The following ERICH6B variants were observed in gnomAD, a reference collection of about 807,000 sequenced individuals.
ERICH6B encodes the protein glutamate rich 6B, also known as glutamate-rich protein 6B.
A neutral mutation model predicts 80.0 loss-of-function variants in ERICH6B; 69 were observed. That is an observed-to-expected ratio of 0.86 (90% confidence interval 0.71 to 1.05). The LOEUF is 1.05. Among genes scored for constraint, ERICH6B ranks in the 50% least tolerant of loss-of-function variants. ERICH6B has a pLI of 0.00. For missense variants in ERICH6B, 754 were observed against 796.1 expected, an observed-to-expected ratio of 0.95 and a Z score of 0.64; for synonymous variants, 283 against 291.9, an observed-to-expected ratio of 0.97 and a Z score of 0.31.
Position 45,546,658 on chromosome 13 carries a change from C to T in ERICH6B, c.1647-1673G>A, listed in dbSNP as rs115441431. Among the ~76,000 whole-genome samples, 815 of 152,294 alleles carry T rather than the reference C, an allele frequency of 5.4e-3. 5 individuals are homozygous for T. Among genetic ancestry groups the T allele is most frequent in the African/African-American group, 0.019 (784 of 41,550 alleles). ...TGTCTTGCATCTACCCTAGACTGCACTTCTGTCTGTAAGTTCCCCTAGTAA... is the reference window on the plus strand; with the variant it reads ...TGTCTTGCATCTACCCTAGACTGCATTTCTGTCTGTAAGTTCCCCTAGTAA... On this transcript the variant is annotated intron_variant, in intron 13 of 14. Transcript: ENST00000298738.
chr13:45,581,462 C>T (rs569463043), intron 5 of ERICH6B, among the ~76,000 whole-genome samples: 7 of 152,218 alleles, frequency 4.6e-5, no homozygotes, highest in South Asian at 4.1e-4. Flanking sequence ...CTGCAACCTC[C>T]GCCTCCCAGG....
chr13:45,576,591 C>A lies in ERICH6B; in HGVS notation c.962-1661G>T, dbSNP rs1232353824. On this transcript the variant is annotated intron_variant, in intron 7 of 14. Transcript: ENST00000298738. ...AAAAGGGGCCTGAGAGACCAAGGAG[C>A]AGGCTGTGGTGGAAGGTGCTCTGAG... is the stretch of plus-strand genomic sequence containing the variant. Among the ~76,000 whole-genome samples the A allele has an allele frequency of 2.0e-5, 3 of 152,184 alleles. No individual in the cohort carries two copies. In the South Asian group the frequency reaches 6.2e-4, roughly 32 times the overall value.
chr13:45,611,521 A>G (rs1314245566), intron 1 of ERICH6B, among the ~76,000 whole-genome samples: 3 of 152,254 alleles, frequency 2.0e-5, no homozygotes, highest in African/African-American at 7.2e-5. Flanking sequence ...AAAGAGTGCA[A>G]AACCTTTATA....
At chr13:45,567,842 C>A (rs1399011083) in intron 9 of ERICH6B, among the ~76,000 whole-genome samples, 1 of 152,196 alleles carries the variant, frequency 6.6e-6, no homozygotes, top group Non-Finnish European at 1.5e-5. Context: ...AAGCTCAAGG[C>A]TCTCCCTCCT....
At chr13:45,613,118 A>C (rs7336204) in intron 1 of ERICH6B, among the ~76,000 whole-genome samples, 41,319 of 152,006 alleles carry the variant, frequency 0.27, 6,465 homozygotes, top group African/African-American at 0.44. Flanking sequence ...TATGTTGGAC[A>C]TATGTACCTA....
intron 9 of ERICH6B, among the ~76,000 whole-genome samples, chr13:45,563,990 C>T (rs529610358): frequency 3.9e-5 from 6 of 152,292 alleles, no homozygotes; most frequent in African/African-American, 1.4e-4. Flanking sequence ...TTTAGTGCTT[C>T]CCTCATATGG....
At chr13:45,606,537 A>T (rs1245646255) in intron 2 of ERICH6B, among the ~76,000 whole-genome samples, 16 of 12,920 alleles carry the variant, frequency 1.2e-3, no homozygotes, top group African/African-American at 1.6e-3. Flanking sequence ...ATATATATAT[A>T]TATATATATA....
chr13:45,607,733 T>G (rs1246437473), intron 1 of ERICH6B, 118 bp from the exon 2 acceptor site: 1 of 152,244 alleles, frequency 6.6e-6, no homozygotes, highest in Non-Finnish European at 1.5e-5. Flanking sequence ...AATTTAGTTT[T>G]GTGGTATGTT....
At chr13:45,554,390 G>A (rs978882068) in intron 11 of ERICH6B, among the ~76,000 whole-genome samples, 2 of 152,130 alleles carry the variant, frequency 1.3e-5, no homozygotes, top group African/African-American at 2.4e-5. Context: ...GGTTTAAAAA[G>A]TGCTTTGTAT....
At chr13:45,560,253 A>G (rs1874611546) in intron 11 of ERICH6B, among the ~76,000 whole-genome samples, 1 of 152,206 alleles carries the variant, frequency 6.6e-6, no homozygotes, top group South Asian at 2.1e-4. Context: ...TTTTGAGGCT[A>G]GTTTTCACTC....
At chr13:45,596,059 A>C (rs1876355048) in intron 3 of ERICH6B, among the ~76,000 whole-genome samples, 1 of 152,232 alleles carries the variant, frequency 6.6e-6, no homozygotes, top group African/African-American at 2.4e-5. Flanking sequence ...ATGTTTATGA[A>C]GTCTTCCTGC....
intron 2 of ERICH6B, among the ~76,000 whole-genome samples, chr13:45,601,097 C>A (rs189955317): frequency 3.7e-4 from 56 of 152,256 alleles, no homozygotes; most frequent in Middle Eastern, 3.4e-3. Context: ...TCCCATCTAC[C>A]CTGACGATGC....
chr13:45,560,765 C>T (rs1202521548), intron 11 of ERICH6B, among the ~76,000 whole-genome samples: 1 of 152,136 alleles, frequency 6.6e-6, no homozygotes, highest in Non-Finnish European at 1.5e-5. Context: ...TTTAAGTTTC[C>T]TCCATGACTT....
At chr13:45,571,930 C>T (rs1300721645) in intron 8 of ERICH6B, among the ~76,000 whole-genome samples, 1 of 152,194 alleles carries the variant, frequency 6.6e-6, no homozygotes, top group African/African-American at 2.4e-5. Flanking sequence ...ACTGTGCCAA[C>T]ACCTTGATTT....
intron 7 of ERICH6B, among the ~76,000 whole-genome samples, chr13:45,575,314 C>T (rs1875351449): frequency 6.6e-6 from 1 of 152,160 alleles, no homozygotes; most frequent in Non-Finnish European, 1.5e-5. Context: ...GGTGCAAAGG[C>T]CCTGAGGTGA....
chr13:45,612,983 A>G (rs371627004), intron 1 of ERICH6B, among the ~76,000 whole-genome samples: 45 of 152,302 alleles, frequency 3.0e-4, no homozygotes, highest in African/African-American at 1.0e-3. Context: ...CTCTTCAGAC[A>G]CCCAGGCAAA....
chr13:45,604,375 G>A (rs749136165), intron 2 of ERICH6B, among the ~76,000 whole-genome samples: 1 of 152,190 alleles, frequency 6.6e-6, no homozygotes, highest in East Asian at 1.9e-4. Context: ...AAAGCCCCGG[G>A]GATGCTGCGG....
chr13:45,613,349 C>A (rs1394353511), intron 1 of ERICH6B, among the ~76,000 whole-genome samples: 1 of 152,152 alleles, frequency 6.6e-6, no homozygotes, highest in Non-Finnish European at 1.5e-5. Context: ...ATTAGGGCTG[C>A]AAGCTCCAGC....
At chr13:45,590,514 TC>T (rs1876113360) in intron 4 of ERICH6B, 134 bp downstream of exon 4, 1 of 781,652 alleles carries the variant, frequency 1.3e-6, no homozygotes, top group African/African-American at 1.8e-5. Context: ...GGTTGTAACT[TC>T]CAGGAACCCC....
Sources: allele counts gnomAD v4.1 joint callset (sites outside exome capture counted in the v4.1 genomes callset), GRCh38; gene constraint gnomAD v4.1.1; transcripts MANE v1.5; gene names NCBI Gene and HGNC (gene_info 2026-07-23, HGNC 2026-07-21).